AGAP6: variants seen among roughly 807,000 people sequenced by gnomAD.
The protein encoded by AGAP6 is ArfGAP with GTPase domain, ankyrin repeat and PH domain 6.
AGAP6 carries 29 observed loss-of-function variants against 63.9 expected under a neutral mutation model. That is an observed-to-expected ratio of 0.45 (90% confidence interval 0.34 to 0.62). AGAP6 has a LOEUF of 0.62. Among genes scored for constraint, AGAP6 ranks in the 20% least tolerant of loss-of-function variants. The probability of loss-of-function intolerance (pLI) is 0.01; values close to 1 mark genes in which losing one functional copy is unlikely to be tolerated. For missense variants in AGAP6, 493 were observed against 884.9 expected, an observed-to-expected ratio of 0.56 and a Z score of 5.62; for synonymous variants, 199 against 332.9, an observed-to-expected ratio of 0.60 and a Z score of 4.38.
intron 4 of AGAP6, among the ~76,000 whole-genome samples, chr10:49,997,726 C>T (rs1554862254): frequency 6.6e-6 from 1 of 151,214 alleles, no homozygotes; most frequent in South Asian, 2.1e-4. Flanking sequence ...TTTAGGTGCA[C>T]CCATCACCTG....
At chr10:49,995,723 T>C (rs560545953) in intron 4 of AGAP6, among the ~76,000 whole-genome samples, 14 of 152,208 alleles carry the variant, frequency 9.2e-5, no homozygotes, top group Non-Finnish European at 1.8e-4. Flanking sequence ...TGTCCTGTTA[T>C]CATCTCTAGT....
intron 4 of AGAP6, among the ~76,000 whole-genome samples, chr10:49,994,961 CAAA>C (rs536082046): frequency 7.1e-4 from 45 of 63,198 alleles, no homozygotes; most frequent in African/African-American, 2.6e-3. Flanking sequence ...AACTCTGTCT[CAAA>C]AAAAAAAAAA....
chr10:50,005,182 A>G (rs1841868887), intron 6 of AGAP6, among the ~76,000 whole-genome samples: 1 of 152,234 alleles, frequency 6.6e-6, no homozygotes, highest in Admixed American at 6.5e-5. Context: ...GAAATTTTTC[A>G]TTGAAAAATA....
chr10:49,989,154 A>G (rs1429708031), intron 1 of AGAP6, among the ~76,000 whole-genome samples, 154 bp from the exon 2 acceptor site: 3 of 150,608 alleles, frequency 2.0e-5, no homozygotes, highest in Middle Eastern at 6.8e-3. Context: ...TCCCCTCCCA[A>G]TCGCCCAGTT....
intron 6 of AGAP6, among the ~76,000 whole-genome samples, chr10:50,005,967 T>C (rs1263668976): frequency 2.0e-5 from 3 of 149,398 alleles, no homozygotes; most frequent in Non-Finnish European, 4.5e-5. Context: ...CATGCAAATA[T>C]GTAGTTGGTA....
At chr10:50,005,108 A>C (rs2132155533) in intron 6 of AGAP6, among the ~76,000 whole-genome samples, 1 of 152,266 alleles carries the variant, frequency 6.6e-6, no homozygotes, top group East Asian at 1.9e-4. Flanking sequence ...ACTAGATGTC[A>C]GTAGTAACCC....
rs1297261595 is a variant in AGAP6 at position 50,007,030 on chromosome 10, G to T, written c.534-995G>T. Reference sequence around the variant, plus strand: ...AAGTGTCAATGAAAAAGCAGGCAATGACTTTGTATTACTTTCACAAATTTT... The same window carrying T: ...AAGTGTCAATGAAAAAGCAGGCAATTACTTTGTATTACTTTCACAAATTTT... On this transcript the variant is annotated intron_variant, in intron 6 of 7. Transcript: ENST00000412531. Among the ~76,000 whole-genome samples, 106 of 151,100 alleles carry T rather than the reference G, an allele frequency of 7.0e-4. 2 individuals carry two copies. Among genetic ancestry groups the T allele is most frequent in the African/African-American group, 2.5e-3 (104 of 41,136 alleles).
At chr10:50,008,337 A>T in intron 7 of AGAP6, among the ~76,000 whole-genome samples, 1 of 138,514 alleles carries the variant, frequency 7.2e-6, no homozygotes, top group Middle Eastern at 4.4e-3. Flanking sequence ...CTCTTTCTGT[A>T]GCCCAGGCTG....
intron 1 of AGAP6, 93 bp downstream of exon 1, chr10:49,989,031 C>T (rs868989358): frequency 6.3e-7 from 1 of 1,597,196 alleles, no homozygotes; most frequent in Non-Finnish European, 8.5e-7. Context: ...CTTCGAGCTC[C>T]TTTCTGCTTG....
At chr10:49,995,412 A>G (rs1384501229) in intron 4 of AGAP6, among the ~76,000 whole-genome samples, 2 of 152,134 alleles carry the variant, frequency 1.3e-5, no homozygotes, top group African/African-American at 2.4e-5. Flanking sequence ...GCATGAAGCT[A>G]ATTTTCTGAC....
chr10:49,996,240 AT>A (rs1223453324), intron 4 of AGAP6, among the ~76,000 whole-genome samples: 1 of 150,696 alleles, frequency 6.6e-6, no homozygotes, highest in African/African-American at 2.4e-5. Flanking sequence ...GTGTTTTAAG[AT>A]TTTTTTTTAA....
intron 2 of AGAP6, among the ~76,000 whole-genome samples, chr10:49,990,396 G>A (rs1554860597): frequency 6.6e-6 from 1 of 152,222 alleles, no homozygotes; most frequent in African/African-American, 2.4e-5. Flanking sequence ...AGTGAGCAGA[G>A]ATCACGCCAA....
intron 4 of AGAP6, among the ~76,000 whole-genome samples, chr10:49,998,770 T>A (rs1318392010): frequency 7.1e-6 from 1 of 141,718 alleles, no homozygotes; most frequent in East Asian, 2.3e-4. Context: ...GTTATTTTGA[T>A]GGGAGTTGCA....
intron 4 of AGAP6, among the ~76,000 whole-genome samples, chr10:50,000,963 T>C (rs1554862745): frequency 1.4e-5 from 2 of 143,008 alleles, no homozygotes. Context: ...GTAAATGCAT[T>C]AGTCTTGTAT....
At chr10:49,998,806 G>A (rs1185585263) in intron 4 of AGAP6, among the ~76,000 whole-genome samples, 2 of 140,334 alleles carry the variant, frequency 1.4e-5, no homozygotes, top group African/African-American at 2.7e-5. Flanking sequence ...GCTTTTGGCA[G>A]TATGGTCATT....
At chr10:49,993,875 T>C (rs1188997971) in intron 3 of AGAP6, among the ~76,000 whole-genome samples, 1 of 151,894 alleles carries the variant, frequency 6.6e-6, no homozygotes, top group Admixed American at 6.5e-5. Flanking sequence ...GTAAAGACCG[T>C]TTTTTAATTT....
At chr10:49,991,007 G>A (rs1248907857) in intron 2 of AGAP6, among the ~76,000 whole-genome samples, 1 of 152,020 alleles carries the variant, frequency 6.6e-6, no homozygotes, top group Non-Finnish European at 1.5e-5. Context: ...GGTAGTGTTG[G>A]ATGAGAGCCC....
Position 49,991,691 on chromosome 10 carries a change from C to G in AGAP6, c.308C>G (p.Pro103Arg). Residue 103 changes from proline (P) to arginine (R), a missense_variant, in exon 3 of 8, where the codon CCT (proline) becomes CGT (arginine). Around this residue, in one of 7 missense-constraint regions of AGAP6, gnomAD observed 342 missense variants for 533.4 expected, o/e 0.64. Transcript: ENST00000412531. ...NSQTEALEFN[P>R]SANPEASTIF... ...GTGCATATAGCTTTGGAGTTTAACC[C>G]TTCTGCCAATCCAGAGGCAAGCACA... 2 of 1,598,310 alleles carry G rather than the reference C, an allele frequency of 1.3e-6. No individual in the cohort carries two copies. The highest frequency in any genetic ancestry group is 1.7e-6 in the Non-Finnish European group (2 of 1,179,660).
intron 4 of AGAP6, among the ~76,000 whole-genome samples, chr10:50,001,164 A>T (rs1410002321): frequency 2.0e-5 from 3 of 148,448 alleles, no homozygotes; most frequent in Non-Finnish European, 4.5e-5. Flanking sequence ...CCCCGTCTCT[A>T]CTAAAAATAC....
Sources: gnomAD v4.1 joint callset for allele counts (sites outside exome capture counted in the v4.1 genomes callset) on GRCh38, gnomAD v4.1.1 for gene constraint, gnomAD v4.1.1 regional missense constraint, MANE v1.5 for transcripts, NCBI Gene and HGNC (gene_info 2026-07-23, HGNC 2026-07-21) for gene names.